Variants in GUCY2D observed in about 807,000 individuals in gnomAD.
GUCY2D encodes guanylate cyclase 2D, retinal, also known as retinal guanylyl cyclase 1.
Under a neutral mutation model 101.3 loss-of-function variants are expected in GUCY2D, and 70 were observed. The ratio of observed to expected loss-of-function variants is 0.69; its 90% CI spans 0.57 to 0.84. The LOEUF (loss-of-function observed/expected upper bound fraction) is 0.84, where lower values mean the gene tolerates loss of function less well. Among genes scored for constraint, GUCY2D ranks in the 40% least tolerant of loss-of-function variants. GUCY2D has a pLI of 0.00. For missense variants in GUCY2D, 1,460 were observed against 1,542.5 expected, an observed-to-expected ratio of 0.95 and a Z score of 0.90; for synonymous variants, 688 against 670.7, an observed-to-expected ratio of 1.03 and a Z score of -0.40.
chr17:8,008,318 A>AGG (rs964612516), intron 7 of GUCY2D, among the ~76,000 whole-genome samples: 1 of 152,180 alleles, frequency 6.6e-6, no homozygotes, highest in Non-Finnish European at 1.5e-5. Context: ...TGGAGCTGCC[A>AGG]GGGAGCATGC....
intron 3 of GUCY2D, among the ~76,000 whole-genome samples, chr17:8,005,873 G>T (rs1398519616): frequency 6.6e-6 from 1 of 152,044 alleles, no homozygotes; most frequent in Non-Finnish European, 1.5e-5. Flanking sequence ...AAGGTTTTTT[G>T]TTTGTTTTTT....
Position 8,007,510 on chromosome 17 carries a change from TG to T in GUCY2D, c.1553del (p.Gly518AlafsTer45). The T allele has an allele frequency of 1.2e-6, 2 of 1,603,950 alleles. No individual in the cohort carries two copies. Among genetic ancestry groups the T allele is most frequent in the African/African-American group, 1.3e-5 (1 of 74,798 alleles). On this transcript the variant is annotated frameshift_variant, in exon 6 of 20. Transcript: ENST00000254854. LOFTEE classifies it high-confidence loss of function. ...ACGACATCACCTTTCTCCACCCACATGGGGGCACCTCTCGAAAGGTGGGGGA... is the reference window on the plus strand; with the variant it reads ...ACGACATCACCTTTCTCCACCCACATGGGGCACCTCTCGAAAGGTGGGGGA... ...VDDITFLHPH[G>X]GTSRKVAQGS...
chr17:8,003,170 CCTGCTT>C lies in GUCY2D; in HGVS notation c.129_134del (p.Leu44_Leu45del), dbSNP rs552184470. On this transcript the variant is annotated inframe_deletion, in exon 2 of 20. Transcript: ENST00000254854. ...TGCCCCGGCTCCCGCTCCTGCTGCT[CCTGCTT>C]CTGCTGCAGCCCCCCGCCCTCTCCG... 3.3e-3 allele frequency: 4,933 copies of C among 1,512,532 alleles called. 21 individuals carry two copies. Among genetic ancestry groups the C allele is most frequent in the South Asian group, 6.4e-3 (514 of 80,814 alleles). The allele number at this position is 1,512,532 out of a possible 1,614,324, so 93.7% of individuals were successfully genotyped here.
chr17:8,016,546 C>A lies in GUCY2D; in HGVS notation c.*16C>A. 1 of 1,514,472 alleles carries A rather than the reference C, an allele frequency of 6.6e-7. No individual in the cohort carries two copies. The highest frequency in any genetic ancestry group is 9.0e-7 in the Non-Finnish European group (1 of 1,116,770). 93.8% of individuals were successfully genotyped at this position (1,514,472 alleles called of 1,614,324 possible). A position where few individuals can be genotyped will look rare whatever the true frequency, so the allele number is the denominator to read the frequency against. On this transcript the variant is annotated 3_prime_UTR_variant, in exon 19 of 20. Coordinates refer to ENST00000254854, the MANE Select transcript of GUCY2D (RefSeq NM_000180.4). ...GTTCTCTTGAGAAGTGAGGCCCGGC[C>A]CCGGACAGGTACTGCCCCCTCAGCC...
chr17:8,019,224 G>A (rs949344654), intron 19 of GUCY2D, among the ~76,000 whole-genome samples: 4 of 151,850 alleles, frequency 2.6e-5, no homozygotes, highest in South Asian at 2.1e-4. Context: ...CTTCCCTCCC[G>A]TACCCGACCC....
At chr17:8,003,811 C>G (rs770374274) in intron 2 of GUCY2D, 41 bp from the exon 3 acceptor site, 1 of 1,603,056 alleles carries the variant, frequency 6.2e-7, no homozygotes, top group Admixed American at 1.7e-5. Flanking sequence ...CTGGTCCTGC[C>G]GGCAGCCGGA....
chr17:8,012,726 A>C, intron 10 of GUCY2D, 120 bp downstream of exon 10: 1 of 828,832 alleles, frequency 1.2e-6, no homozygotes, highest in Non-Finnish European at 2.0e-6. Context: ...ACCAGACACA[A>C]TTCCTGCTAC....
At chr17:8,005,846 G>A (rs893689852) in intron 3 of GUCY2D, among the ~76,000 whole-genome samples, 1 of 152,208 alleles carries the variant, frequency 6.6e-6, no homozygotes, top group Non-Finnish European at 1.5e-5. Context: ...TGATAAGATC[G>A]GGTGGTAACA....
chr17:8,003,191 C>T lies in GUCY2D; in HGVS notation c.144C>T (p.Pro48=). The T allele has an allele frequency of 6.6e-7, 1 of 1,518,074 alleles. No homozygotes were observed. The highest frequency in any genetic ancestry group is 1.2e-5 in the South Asian group (1 of 81,252). The allele number at this position is 1,518,074 out of a possible 1,614,324, so 94.0% of individuals were successfully genotyped here. The change falls in exon 2 of 20, where the codon CCC becomes CCT. Residue 48 remains proline (P), a synonymous_variant. Transcript: ENST00000254854. ...TGCTCCTGCTTCTGCTGCAGCCCCC[C>T]GCCCTCTCCGCCGTGTTCACGGTGG... is the stretch of plus-strand genomic sequence containing the variant. ...LLLLLLLLQP[P]ALSAVFTVGV...
rs952193754 is a variant in GUCY2D at position 8,003,272 on chromosome 17, G to GGCCGCCCGCCTGGCC, written c.238_252dup (p.Ala80_Leu84dup). The GGCCGCCCGCCTGGCC allele has an allele frequency of 1.3e-6, 2 of 1,498,918 alleles. No homozygotes were observed. Among genetic ancestry groups the GGCCGCCCGCCTGGCC allele is most frequent in the African/African-American group, 1.5e-5 (1 of 68,678 alleles). The allele number at this position is 1,498,918 out of a possible 1,614,324, so 92.9% of individuals were successfully genotyped here. A position where few individuals can be genotyped will look rare whatever the true frequency, so the allele number is the denominator to read the frequency against. The stretch of plus-strand genomic sequence containing the variant: ...TCTTCTCTCGGGCTCGCCCGGACCT[G>GGCCGCCCGCCTGGCC]GCCGCCCGCCTGGCCGCCGCCCGCC... On this transcript the variant is annotated inframe_insertion, in exon 2 of 20. Coordinates refer to ENST00000254854, the MANE Select transcript of GUCY2D (RefSeq NM_000180.4).
intron 10 of GUCY2D, 42 bp downstream of exon 10, chr17:8,012,648 A>C: frequency 6.5e-7 from 1 of 1,543,630 alleles, no homozygotes; most frequent in Non-Finnish European, 8.9e-7. Context: ...CGGGATCCCC[A>C]TTATTTCAAG....
At position 8,013,064 on chromosome 17, in the gene GUCY2D, CTT is replaced by C. The variant is rs745956207; in HGVS notation, c.2114-37_2114-36del. 2 of 1,598,570 alleles carry C rather than the reference CTT, an allele frequency of 1.3e-6. No individual in the cohort carries two copies. The highest frequency in any genetic ancestry group is 1.7e-6 in the Non-Finnish European group (2 of 1,172,740). On this transcript the variant is annotated intron_variant, in intron 10 of 19. Transcript: ENST00000254854. This position sits in a 1 kb window ranked among gnomAD's most constrained non-coding sequence, Gnocchi z 5.0. ...TGGGCTTTCTGGTGAGGGTGGGAGTCTTTCCCCAGCGGCGCCTCAGCCCCTTC... is the reference window on the plus strand; with the variant it reads ...TGGGCTTTCTGGTGAGGGTGGGAGTCTCCCCAGCGGCGCCTCAGCCCCTTC...
Position 8,013,503 on chromosome 17 carries a change from C to G in GUCY2D, c.2263+251C>G. 1 of 589,460 alleles carries G rather than the reference C, an allele frequency of 1.7e-6. No individual in the cohort carries two copies. Among genetic ancestry groups the G allele is most frequent in the South Asian group, 2.0e-5 (1 of 50,898 alleles). 36.5% of individuals were successfully genotyped at this position (589,460 alleles called of 1,614,324 possible). Reference sequence around the variant, plus strand: ...TGCTGGAACCAAACTGTTTCCACAACTGACAGAACAGACTCCTCTCTGTTC... The same window carrying G: ...TGCTGGAACCAAACTGTTTCCACAAGTGACAGAACAGACTCCTCTCTGTTC... On this transcript the variant is annotated intron_variant, in intron 11 of 19. Transcript: ENST00000254854. This position sits in a 1 kb window ranked among gnomAD's most constrained non-coding sequence, Gnocchi z 5.0.
rs1419643409 is a variant in GUCY2D, at chr17:8,009,490, A to T, written c.1669-16A>T. On this transcript the variant is annotated splice_polypyrimidine_tract_variant and intron_variant, in intron 7 of 19. Transcript: ENST00000254854. Reference sequence around the variant, plus strand: ...TTAAGAGACTGAGTTCCCTACCCCCATCCTCTTTGCTGCAGGGAGACAGGG... The same window carrying T: ...TTAAGAGACTGAGTTCCCTACCCCCTTCCTCTTTGCTGCAGGGAGACAGGG... The T allele has an allele frequency of 6.3e-7, 1 of 1,576,762 alleles. No homozygotes were observed. The highest frequency in any genetic ancestry group is 8.7e-7 in the Non-Finnish European group (1 of 1,145,932).
rs924950028 is a variant in GUCY2D, at chr17:8,011,808, AAC to A, written c.1750-334_1750-333del. The stretch of plus-strand genomic sequence containing the variant: ...CATGCCGCTGCACTCCAGTCTGGGC[AAC>A]AGAGTGAGACCTCGTGTCTAAAAAA... On this transcript the variant is annotated intron_variant, in intron 8 of 19. Coordinates refer to ENST00000254854, the MANE Select transcript of GUCY2D (RefSeq NM_000180.4). The surrounding 1 kb of genome is among the most constrained non-coding windows in gnomAD (Gnocchi z 4.3). Among the ~76,000 whole-genome samples the A allele has an allele frequency of 6.6e-6, 1 of 152,200 alleles. No homozygotes were observed. The highest frequency in any genetic ancestry group is 1.5e-5 in the Non-Finnish European group (1 of 68,030).
At chr17:8,005,963 C>T (rs1975729399) in intron 3 of GUCY2D, among the ~76,000 whole-genome samples, 1 of 151,972 alleles carries the variant, frequency 6.6e-6, no homozygotes, top group South Asian at 2.1e-4. Context: ...GGTGAGAAGG[C>T]TTTTAGGTGA....
chr17:8,015,195 C>A, intron 14 of GUCY2D, 133 bp from the exon 15 acceptor site: 1 of 1,077,372 alleles, frequency 9.3e-7, no homozygotes. Context: ...TTCCTCCAGT[C>A]CCCAGCTCAG....
At chr17:8,016,173 C>T in intron 17 of GUCY2D, 32 bp from the exon 18 acceptor site, 1 of 1,479,598 alleles carries the variant, frequency 6.8e-7, no homozygotes, top group Non-Finnish European at 9.3e-7. Context: ...CCCCAGTCCG[C>T]CTAAGTCCTT....
intron 5 of GUCY2D, 88 bp from the exon 6 acceptor site, chr17:8,007,338 G>A: frequency 3.0e-6 from 3 of 1,010,422 alleles, no homozygotes; most frequent in Non-Finnish European, 3.2e-6. Flanking sequence ...CCTCCCCTGA[G>A]CCAACGTTAT....
Sources: allele counts gnomAD v4.1 joint callset (sites outside exome capture counted in the v4.1 genomes callset), GRCh38; gene constraint gnomAD v4.1.1; non-coding constraint Gnocchi (gnomAD v3.1); transcripts MANE v1.5; gene names NCBI Gene and HGNC (gene_info 2026-07-23, HGNC 2026-07-21).